Variants in NCAM1 observed in about 807,000 individuals in gnomAD.
NCAM1 encodes the protein neural cell adhesion molecule 1, also known as antigen recognized by monoclonal antibody 5.1H11.
Under a neutral mutation model 109.8 loss-of-function variants are expected in NCAM1, and 14 were observed. The ratio of observed to expected loss-of-function variants is 0.13; its 90% CI spans 0.08 to 0.20. The LOEUF is 0.20. NCAM1 is among the 10% of genes least tolerant of loss of function. NCAM1 has a pLI of 1.00. For missense variants in NCAM1, 774 were observed against 1,109.9 expected (o/e 0.70, Z 4.30); for synonymous variants, 418 against 442.9 (o/e 0.94, Z 0.70).
At chr11:113,092,225 C>CT (rs1471152412) in intron 1 of NCAM1, among the ~76,000 whole-genome samples, 1 of 151,978 alleles carries the variant, frequency 6.6e-6, no homozygotes, top group Non-Finnish European at 1.5e-5. Context: ...CATAATGTGC[C>CT]TATGAATTAG....
intron 17 of NCAM1, among the ~76,000 whole-genome samples, chr11:113,267,600 C>T (rs782395125): frequency 7.2e-5 from 11 of 152,286 alleles, no homozygotes; most frequent in East Asian, 1.9e-4. Context: ...TGCCGGTTCA[C>T]GCCATGAGGC....
intron 1 of NCAM1, among the ~76,000 whole-genome samples, chr11:113,089,041 G>A (rs139333542): frequency 2.0e-4 from 30 of 152,290 alleles, no homozygotes; most frequent in Admixed American, 8.5e-4. Flanking sequence ...GCAGCCGGGC[G>A]CGGTGGCTCA....
Position 113,246,377 on chromosome 11 carries a change from C to A in NCAM1, c.1828+7C>A. 1 of 741,084 alleles carries A rather than the reference C, an allele frequency of 1.3e-6. No homozygotes were observed. The highest frequency in any genetic ancestry group is 1.8e-5 in the Admixed American group (1 of 55,422). The allele number at this position is 741,084 out of a possible 1,614,324, so 45.9% of individuals were successfully genotyped here. On this transcript the variant is annotated splice_region_variant and intron_variant, in intron 15 of 19. Transcript: ENST00000316851. ...CCACGCTGGTGAACAGAAGGTAAAA[C>A]TCTTTGTTCTGATTAGTGAAATAAA...
At chr11:112,975,653 T>C (rs1305644729) in intron 1 of NCAM1, among the ~76,000 whole-genome samples, 1 of 151,916 alleles carries the variant, frequency 6.6e-6, no homozygotes, top group Non-Finnish European at 1.5e-5. Context: ...AAAGGGACAT[T>C]ATGTGATTTT....
chr11:113,276,137 G>A lies in NCAM1; in HGVS notation c.*750G>A, dbSNP rs1321970803. On this transcript the variant is annotated 3_prime_UTR_variant, in exon 20 of 20. Coordinates refer to ENST00000316851, the MANE Select transcript of NCAM1 (RefSeq NM_181351.5). ...TACAAGGTGACAAATGTTTGACTTT[G>A]GTTGTGTTTAAATGTCCGTGTAAAA... 1 of 152,350 alleles carries A rather than the reference G, an allele frequency of 6.6e-6. No homozygotes were observed. Among genetic ancestry groups the A allele is most frequent in the Non-Finnish European group, 1.5e-5 (1 of 67,984 alleles). The allele number at this position is 152,350 out of a possible 1,614,324, so 9.4% of individuals were successfully genotyped here. A position where few individuals can be genotyped will look rare whatever the true frequency, so the allele number is the denominator to read the frequency against.
chr11:113,260,171 T>C lies in NCAM1; in HGVS notation c.1979T>C (p.Ile660Thr). Residue 660 changes from isoleucine (I) to threonine (T), a missense_variant, in exon 17 of 20, where the codon ATC (isoleucine) becomes ACC (threonine). Around this residue, in one of 4 missense-constraint regions of NCAM1, gnomAD observed 523 missense variants for 784.2 expected, o/e 0.67. Transcript: ENST00000316851. ...RALSSEWKPEIRLPSGSDHVM... is the reference protein window; with the variant it reads ...RALSSEWKPETRLPSGSDHVM... Reference sequence around the variant, plus strand: ...CTCTCCTCCGAGTGGAAACCAGAGATCAGGCTCCCGTCTGGCAGTGACCAC... The same window carrying C: ...CTCTCCTCCGAGTGGAAACCAGAGACCAGGCTCCCGTCTGGCAGTGACCAC... 6.2e-7 allele frequency: 1 copy of C among 1,613,332 alleles called. No homozygotes were observed. Among genetic ancestry groups the C allele is most frequent in the Non-Finnish European group, 8.5e-7 (1 of 1,179,720 alleles).
At chr11:113,221,579 A>C (rs1319364963) in intron 9 of NCAM1, 1 of 420,618 alleles carries the variant, frequency 2.4e-6, no homozygotes, top group Non-Finnish European at 4.3e-6. Context: ...GTAAAATCAC[A>C]TCCAGGTAAT....
chr11:112,972,111 A>G (rs538552007), intron 1 of NCAM1, among the ~76,000 whole-genome samples: 24 of 152,296 alleles, frequency 1.6e-4, no homozygotes, highest in African/African-American at 5.5e-4. Flanking sequence ...ATATGCAGAC[A>G]CTGGAGAATT....
At chr11:112,998,996 A>G (rs1048754134) in intron 1 of NCAM1, among the ~76,000 whole-genome samples, 7 of 151,786 alleles carry the variant, frequency 4.6e-5, no homozygotes, top group South Asian at 2.1e-4. Flanking sequence ...CAAAAACAAG[A>G]CCCCTCCCCC....
intron 1 of NCAM1, among the ~76,000 whole-genome samples, chr11:113,169,629 G>GTTT (rs3051905): frequency 0.026 from 3,601 of 139,072 alleles, 156 homozygotes; most frequent in African/African-American, 0.073. Context: ...TTGGATGGGA[G>GTTT]TTTTTTTTTT....
At position 113,232,163 on chromosome 11, in the gene NCAM1, A is replaced by T; in HGVS notation, c.1241-7A>T. Reference sequence around the variant, plus strand: ...GTCATCCTGACAGTCATTGTTATTTATTGCAGATGCCCCAAAGCTACAGGG... The same window carrying T: ...GTCATCCTGACAGTCATTGTTATTTTTTGCAGATGCCCCAAAGCTACAGGG... On this transcript the variant is annotated splice_region_variant and splice_polypyrimidine_tract_variant and intron_variant, in intron 10 of 19. Coordinates refer to ENST00000316851, the MANE Select transcript of NCAM1 (RefSeq NM_181351.5). 1 of 1,578,750 alleles carries T rather than the reference A, an allele frequency of 6.3e-7. No homozygotes were observed. The highest frequency in any genetic ancestry group is 8.6e-7 in the Non-Finnish European group (1 of 1,164,482).
At chr11:113,241,074 A>G (rs1449233853) in intron 14 of NCAM1, among the ~76,000 whole-genome samples, 2 of 152,216 alleles carry the variant, frequency 1.3e-5, no homozygotes, top group East Asian at 3.9e-4. Flanking sequence ...AAAACCCTGC[A>G]GGCAGGATCC....
rs1555117549 is a variant in NCAM1 at position 113,232,776 on chromosome 11, T to C, written c.1484T>C (p.Ile495Thr). The C allele has an allele frequency of 6.2e-7, 1 of 1,613,954 alleles. No homozygotes were observed. The highest frequency in any genetic ancestry group is 8.5e-7 in the Non-Finnish European group (1 of 1,179,862). Residue 495 changes from isoleucine to threonine, a missense_variant, in exon 12 of 20, where the codon ATT becomes ACT. Around this residue, in one of 4 missense-constraint regions of NCAM1, gnomAD observed 523 missense variants for 784.2 expected, o/e 0.67. Transcript: ENST00000316851. ...TACAACTGTACTGCAGTGAACCGCA[T>C]TGGGCAGGAGTCCTTGGAATTCATC... ...GNYNCTAVNR[I>T]GQESLEFILV...
At chr11:113,049,292 T>C (rs1336772482) in intron 1 of NCAM1, among the ~76,000 whole-genome samples, 2 of 152,324 alleles carry the variant, frequency 1.3e-5, no homozygotes, top group East Asian at 3.9e-4. Context: ...TCCCTGGCCT[T>C]CACTCCAAGC....
At position 112,962,013 on chromosome 11, in the gene NCAM1, G is replaced by A. The variant is rs1187139593; in HGVS notation, c.52+349G>A. Among the ~76,000 whole-genome samples, 1 of 152,216 alleles carries A rather than the reference G, an allele frequency of 6.6e-6. No individual in the cohort carries two copies. Among genetic ancestry groups the A allele is most frequent in the Non-Finnish European group, 1.5e-5 (1 of 68,032 alleles). On this transcript the variant is annotated intron_variant, in intron 1 of 19. Transcript: ENST00000316851. This position sits in a 1 kb window ranked among gnomAD's most constrained non-coding sequence, Gnocchi z 5.6. ...CAGCGCTCCTTCCCCAAAGGCGGGCGGCGGGGCGGGGGAGGTCGCGGCTCG... is the reference window on the plus strand; with the variant it reads ...CAGCGCTCCTTCCCCAAAGGCGGGCAGCGGGGCGGGGGAGGTCGCGGCTCG...
chr11:113,245,541 C>T (rs1480852720), intron 14 of NCAM1, among the ~76,000 whole-genome samples: 1 of 152,214 alleles, frequency 6.6e-6, no homozygotes, highest in Non-Finnish European at 1.5e-5. Context: ...AGTGTCAACA[C>T]AGCCATTGTC....
At chr11:113,019,456 T>C (rs1441264148) in intron 1 of NCAM1, among the ~76,000 whole-genome samples, 1 of 152,212 alleles carries the variant, frequency 6.6e-6, no homozygotes. Flanking sequence ...ACCTGCCGAT[T>C]TCCACATTTA....
intron 1 of NCAM1, among the ~76,000 whole-genome samples, chr11:112,988,554 A>G (rs571939798): frequency 1.3e-5 from 2 of 152,080 alleles, no homozygotes; most frequent in South Asian, 4.1e-4. Flanking sequence ...TTTGCTGAGG[A>G]TAGTGTTCTT....
intron 1 of NCAM1, among the ~76,000 whole-genome samples, chr11:113,072,693 G>C (rs1938333882): frequency 6.7e-6 from 1 of 149,858 alleles, no homozygotes; most frequent in Admixed American, 6.7e-5. Context: ...ATGCATACTT[G>C]AGACACTTCC....
Sources: allele counts gnomAD v4.1 joint callset (sites outside exome capture counted in the v4.1 genomes callset), GRCh38; gene constraint gnomAD v4.1.1; regional missense constraint gnomAD v4.1.1; non-coding constraint Gnocchi (gnomAD v3.1); transcripts MANE v1.5; gene names NCBI Gene and HGNC (gene_info 2026-07-23, HGNC 2026-07-21).